Variants in ATG7 observed in about 807,000 individuals in gnomAD.
The protein encoded by ATG7 is autophagy related 7.
ATG7 carries 70 observed loss-of-function variants against 82.4 expected under a neutral mutation model. That is an observed-to-expected ratio of 0.85 (90% confidence interval 0.70 to 1.04). The LOEUF (loss-of-function observed/expected upper bound fraction) is 1.04. Among genes scored for constraint, ATG7 ranks in the 50% least tolerant of loss-of-function variants. The pLI is 0.00. For synonymous variants in ATG7, 287 were observed against 313.0 expected (o/e 0.92, Z 0.88); for missense variants, 792 against 864.3 (o/e 0.92, Z 1.05).
intron 18 of ATG7, among the ~76,000 whole-genome samples, chr3:11,376,482 C>T (rs1356571212): frequency 6.6e-6 from 1 of 152,098 alleles, no homozygotes; most frequent in Non-Finnish European, 1.5e-5. Context: ...TGTGTTTGAG[C>T]TGAGTGGTTT....
chr3:11,546,040 A>T (rs2071256298), intron 20 of ATG7, among the ~76,000 whole-genome samples: 1 of 149,782 alleles, frequency 6.7e-6, no homozygotes, highest in South Asian at 2.1e-4. Flanking sequence ...AAGGAGGCTG[A>T]GGTAGGAGGA....
At chr3:11,564,793 C>A in the ATG7 span, 2 of 1,546,524 alleles carry the variant, frequency 1.3e-6, no homozygotes, top group Non-Finnish European at 1.7e-6. Context: ...AGACAGAGGC[C>A]CACCTGCTGC....
At chr3:11,443,418 C>A (rs2084193715) in intron 20 of ATG7, among the ~76,000 whole-genome samples, 1 of 152,216 alleles carries the variant, frequency 6.6e-6, no homozygotes, top group African/African-American at 2.4e-5. Context: ...CAGGGTCTCA[C>A]CTTGTCACCC....
At chr3:11,519,745 TAG>T (rs1553706160) in intron 20 of ATG7, among the ~76,000 whole-genome samples, 1 of 151,680 alleles carries the variant, frequency 6.6e-6, no homozygotes, top group Non-Finnish European at 1.5e-5. Flanking sequence ...GCATTTTTAG[TAG>T]AGACGGGGTT....
intron 11 of ATG7, among the ~76,000 whole-genome samples, chr3:11,336,036 ATTT>A (rs541306159): frequency 5.4e-5 from 6 of 111,708 alleles, no homozygotes; most frequent in African/African-American, 1.8e-4. Flanking sequence ...GTGCCCGGTC[ATTT>A]TTTTTTTTTT....
At chr3:11,534,081 C>G (rs1259334238) in intron 20 of ATG7, among the ~76,000 whole-genome samples, 1 of 152,212 alleles carries the variant, frequency 6.6e-6, no homozygotes, top group Non-Finnish European at 1.5e-5. Context: ...TCCTCCTCCC[C>G]CCCCAGGGGA....
chr3:11,346,757 C>T (rs1954611866), intron 13 of ATG7, among the ~76,000 whole-genome samples: 1 of 152,200 alleles, frequency 6.6e-6, no homozygotes, highest in Non-Finnish European at 1.5e-5. Context: ...TTTATTCTGC[C>T]TCCATGGTAG....
chr3:11,435,204 A>G (rs184414578), intron 20 of ATG7, among the ~76,000 whole-genome samples: 53 of 152,332 alleles, frequency 3.5e-4, no homozygotes, highest in African/African-American at 1.3e-3. Flanking sequence ...CATTGCCAGA[A>G]ACAACTTTTT....
intron 20 of ATG7, among the ~76,000 whole-genome samples, chr3:11,512,779 G>C (rs148351833): frequency 6.6e-6 from 1 of 152,188 alleles, no homozygotes; most frequent in African/African-American, 2.4e-5. Flanking sequence ...GGACCTGAGC[G>C]GGTTGCCATT....
chr3:11,403,432 T>C (rs529935120), intron 19 of ATG7, among the ~76,000 whole-genome samples: 12 of 152,226 alleles, frequency 7.9e-5, no homozygotes, highest in South Asian at 6.2e-4. Flanking sequence ...TTTCATCTTG[T>C]TTGTGTTCAG....
chr3:11,535,422 C>T (rs1396280889), intron 20 of ATG7, among the ~76,000 whole-genome samples: 2 of 152,192 alleles, frequency 1.3e-5, no homozygotes, highest in African/African-American at 4.8e-5. Context: ...TTCTCAAAGT[C>T]TTCTGCGTCG....
At chr3:11,364,834 C>A in intron 18 of ATG7, 100 bp downstream of exon 18, 1 of 1,219,612 alleles carries the variant, frequency 8.2e-7, no homozygotes, top group Non-Finnish European at 1.2e-6. Flanking sequence ...TCATATCCAC[C>A]CTACTTACCC....
At chr3:11,513,338 G>A (rs753407208) in intron 20 of ATG7, among the ~76,000 whole-genome samples, 6 of 152,228 alleles carry the variant, frequency 3.9e-5, no homozygotes, top group Non-Finnish European at 7.3e-5. Flanking sequence ...AGGAGCCCAC[G>A]GGAGGCAGAG....
chr3:11,397,496 C>T (rs2079410449), intron 19 of ATG7, among the ~76,000 whole-genome samples: 1 of 151,978 alleles, frequency 6.6e-6, no homozygotes, highest in Admixed American at 6.6e-5. Context: ...CTTGCTCTGT[C>T]ACCCAGGCTG....
chr3:11,420,668 T>A (rs1195217558), intron 19 of ATG7, among the ~76,000 whole-genome samples: 2 of 152,158 alleles, frequency 1.3e-5, no homozygotes, highest in Non-Finnish European at 2.9e-5. Flanking sequence ...CATATAAAAG[T>A]TACATTTTTA....
chr3:11,575,413 C>A, the ATG7 span, among the ~76,000 whole-genome samples: 1 of 152,210 alleles, frequency 6.6e-6, no homozygotes, highest in Non-Finnish European at 1.5e-5. Context: ...TCTTTTGACT[C>A]CCTCCAGCAG....
rs528233716 is a variant in ATG7, at chr3:11,546,889, G to A, written c.2080-7922G>A. 1.4e-4 allele frequency among the ~76,000 whole-genome samples: 21 copies of A among 152,372 alleles called. No homozygotes were observed. The East Asian group carries it at 3.3e-3, about 24-fold the overall frequency. On this transcript the variant is annotated intron_variant, in intron 20 of 20. Coordinates refer to ENST00000693202, the MANE Select transcript of ATG7 (RefSeq NM_001349232.2). ...AGGGGCTGAGCCCACCCTTGCCAGC[G>A]GAGAGCAGCACAGGCTGATGCCATC... is the stretch of plus-strand genomic sequence containing the variant.
chr3:11,430,490 A>G (rs2082773071), intron 20 of ATG7, among the ~76,000 whole-genome samples: 1 of 152,226 alleles, frequency 6.6e-6, no homozygotes, highest in Non-Finnish European at 1.5e-5. Context: ...TCAAGATGCT[A>G]AATTAATTCT....
chr3:11,319,981 T>C (rs1156439836), intron 9 of ATG7, among the ~76,000 whole-genome samples: 1 of 152,206 alleles, frequency 6.6e-6, no homozygotes, highest in South Asian at 2.1e-4. Flanking sequence ...ATGAAACACC[T>C]GAATGTCTTC....
Sources: allele counts gnomAD v4.1 joint callset (sites outside exome capture counted in the v4.1 genomes callset), GRCh38; gene constraint gnomAD v4.1.1; transcripts MANE v1.5; gene names NCBI Gene and HGNC (gene_info 2026-07-23, HGNC 2026-07-21).